CEP126: variants seen among roughly 807,000 people sequenced by gnomAD.
CEP126 encodes centrosomal protein 126.
CEP126 carries 74 observed loss-of-function variants against 107.8 expected under a neutral mutation model. That is an observed-to-expected ratio of 0.69 (90% confidence interval 0.57 to 0.83). The LOEUF is 0.83. Ranked by LOEUF, CEP126 falls within the 40% of genes least tolerant of loss-of-function variation. The pLI, the probability that CEP126 is intolerant of heterozygous loss-of-function variation, is 0.00. For synonymous variants in CEP126, 449 were observed against 446.0 expected (o/e 1.01, Z -0.08); for missense variants, 1,237 against 1,281.9 (o/e 0.96, Z 0.53).
chr11:101,964,904 G>A (rs1435900869), intron 6 of CEP126, among the ~76,000 whole-genome samples: 2 of 152,138 alleles, frequency 1.3e-5, no homozygotes, highest in East Asian at 3.9e-4. Flanking sequence ...GTGAATACAT[G>A]TAGTTATATT....
At chr11:101,946,533 TA>T (rs1175063303) in intron 3 of CEP126, among the ~76,000 whole-genome samples, 1 of 150,750 alleles carries the variant, frequency 6.6e-6, no homozygotes, top group Non-Finnish European at 1.5e-5. Context: ...TAAATAGATA[TA>T]ATCAGTAGGA....
intron 2 of CEP126, among the ~76,000 whole-genome samples, chr11:101,929,436 A>G (rs1337254591): frequency 6.6e-6 from 1 of 152,214 alleles, no homozygotes; most frequent in East Asian, 1.9e-4. Flanking sequence ...GCCAAGGTTC[A>G]TCACTCAGCC....
rs963644423 is a variant in CEP126 at position 101,999,736 on chromosome 11, A to G, written c.*2093A>G. 3 of 152,220 alleles carry G rather than the reference A, an allele frequency of 2.0e-5. No homozygotes were observed. The highest frequency in any genetic ancestry group is 7.2e-5 in the African/African-American group (3 of 41,454). The allele number at this position is 152,220 out of a possible 1,614,324, so 9.4% of individuals were successfully genotyped here. A position where few individuals can be genotyped will look rare whatever the true frequency, so the allele number is the denominator to read the frequency against. On this transcript the variant is annotated 3_prime_UTR_variant, in exon 11 of 11. Transcript: ENST00000263468. ...AAAGTGGAAGAGAATAACACTTTGC[A>G]TGCTATAAACGTGAAAACTAACATT... is the stretch of plus-strand genomic sequence containing the variant.
At chr11:101,969,659 A>G (rs10791547) in intron 6 of CEP126, among the ~76,000 whole-genome samples, 78,788 of 152,078 alleles carry the variant, frequency 0.52, 20,980 homozygotes, top group East Asian at 0.78. Context: ...ATGCAAAGGC[A>G]AAGAACAAAT....
intron 2 of CEP126, among the ~76,000 whole-genome samples, chr11:101,929,178 T>C (rs1335038116): frequency 6.6e-6 from 1 of 152,268 alleles, no homozygotes; most frequent in Non-Finnish European, 1.5e-5. Flanking sequence ...TTTAAAATGT[T>C]TGTCAAATAA....
intron 2 of CEP126, among the ~76,000 whole-genome samples, chr11:101,943,885 C>A (rs1467689256): frequency 6.6e-6 from 1 of 152,036 alleles, no homozygotes. Flanking sequence ...TTATTGAATA[C>A]CTCATAATTT....
At chr11:101,980,871 A>G in intron 7 of CEP126, among the ~76,000 whole-genome samples, 1 of 152,258 alleles carries the variant, frequency 6.6e-6, no homozygotes, top group East Asian at 1.9e-4. Flanking sequence ...AAACAAGACT[A>G]TGAGATCTAC....
chr11:102,000,976 G>A lies in CEP126; in HGVS notation c.*3333G>A, dbSNP rs777420461. The A allele has an allele frequency of 1.4e-4, 22 of 152,128 alleles. No homozygotes were observed. The highest frequency in any genetic ancestry group is 2.8e-4 in the Non-Finnish European group (19 of 68,012). The allele number at this position is 152,128 out of a possible 1,614,324, so 9.4% of individuals were successfully genotyped here. On this transcript the variant is annotated 3_prime_UTR_variant, in exon 11 of 11. Coordinates refer to ENST00000263468, the MANE Select transcript of CEP126 (RefSeq NM_020802.4). ...TAAATATACACACACTTACATGTAT[G>A]TATTTTGATAGATATTACATGGACT...
rs367982987 is a variant in CEP126 at position 101,958,241 on chromosome 11, A to T, written c.580A>T (p.Ile194Phe). Residue 194 changes from isoleucine to phenylalanine, a missense_variant, in exon 5 of 11, where the codon ATC becomes TTC. This residue lies in a region of CEP126 where 1,134 missense variants were observed against 1,150.5 expected (regional missense o/e 0.99). Transcript: ENST00000263468. Reference sequence around the variant, plus strand: ...GCATCAGAAACAACTCTTATCCAAAATCAATTGTGAGAAAGAAATGAATGA... The same window carrying T: ...GCATCAGAAACAACTCTTATCCAAATTCAATTGTGAGAAAGAAATGAATGA... The part of the protein sequence containing the change: ...HKHQKQLLSK[I>F]NCEKEMNENM... 1 of 1,613,914 alleles carries T rather than the reference A, an allele frequency of 6.2e-7. No individual in the cohort carries two copies. The highest frequency in any genetic ancestry group is 1.3e-5 in the African/African-American group (1 of 74,942).
Position 101,997,640 on chromosome 11 carries a change from A to G in CEP126, c.3351A>G (p.Arg1117=), listed in dbSNP as rs1450941270. The change falls in exon 11 of 11, where the codon AGA becomes AGG. Residue 1117 remains arginine, a synonymous_variant. Coordinates refer to ENST00000263468, the MANE Select transcript of CEP126 (RefSeq NM_020802.4). ...EDRTSSCRDK[R] ...GAACCAGCAGCTGCAGAGACAAGAG[A>G]TAATTCCAGCAGAATCCGTCTAAGA... 2 of 1,613,812 alleles carry G rather than the reference A, an allele frequency of 1.2e-6. No individual in the cohort carries two copies. Among genetic ancestry groups the G allele is most frequent in the African/African-American group, 1.3e-5 (1 of 74,926 alleles).
At chr11:101,919,157 G>A (rs901578476) in intron 1 of CEP126, among the ~76,000 whole-genome samples, 2 of 152,160 alleles carry the variant, frequency 1.3e-5, no homozygotes, top group Admixed American at 1.3e-4. Context: ...GAGGTTTAGA[G>A]TAAGAAGAAT....
chr11:101,972,778 G>A (rs1941147994), intron 6 of CEP126, among the ~76,000 whole-genome samples: 2 of 152,118 alleles, frequency 1.3e-5, no homozygotes. Context: ...TCCAGCCTGG[G>A]CGACAGAGTG....
In CEP126 at chr11:101,963,376, C is replaced by T. The variant is rs754289319; in HGVS notation, c.2341C>T (p.Pro781Ser). ...AAACAGAAAAGGCGCTGTCATTCAA[C>T]CACAGTCTGCAAGCAAAGTCAACAT... ...CTNRKGAVIQPQSASKVNIFT... is the reference protein window; with the variant it reads ...CTNRKGAVIQSQSASKVNIFT... Residue 781 changes from proline (P) to serine (S), a missense_variant, in exon 6 of 11, where the codon CCA becomes TCA. By Grantham distance (74) the Pro-to-Ser change is moderately conservative (BLOSUM62 -1). This residue lies in a region of CEP126 where 1,134 missense variants were observed against 1,150.5 expected (regional missense o/e 0.99). Coordinates refer to ENST00000263468, the MANE Select transcript of CEP126 (RefSeq NM_020802.4). 8 of 1,613,986 alleles carry T rather than the reference C, an allele frequency of 5.0e-6. No individual in the cohort carries two copies. The Admixed American group carries it at 1.3e-4, about 27-fold the overall frequency.
intron 4 of CEP126, among the ~76,000 whole-genome samples, chr11:101,957,313 T>G (rs7102793): frequency 0.53 from 80,716 of 152,056 alleles, 22,007 homozygotes; most frequent in East Asian, 0.78. Flanking sequence ...AAATGCTCTT[T>G]GGATTCACAC....
intron 10 of CEP126, among the ~76,000 whole-genome samples, chr11:101,995,284 C>T (rs1941429928): frequency 6.6e-6 from 1 of 152,106 alleles, no homozygotes; most frequent in South Asian, 2.1e-4. Context: ...TGGGATGAGA[C>T]TAGGTAATAC....
intron 2 of CEP126, among the ~76,000 whole-genome samples, chr11:101,938,623 G>C (rs927297589): frequency 9.2e-5 from 14 of 151,860 alleles, no homozygotes; most frequent in African/African-American, 3.4e-4. Flanking sequence ...CAAGGTAGGA[G>C]GATTTCTTGA....
chr11:101,946,404 A>T (rs1250368261), intron 3 of CEP126, among the ~76,000 whole-genome samples: 1 of 152,128 alleles, frequency 6.6e-6, no homozygotes, highest in Non-Finnish European at 1.5e-5. Context: ...GCTACTCAGG[A>T]GGCTGAAGTG....
At chr11:101,934,418 T>C (rs1940546787) in intron 2 of CEP126, among the ~76,000 whole-genome samples, 2 of 151,992 alleles carry the variant, frequency 1.3e-5, no homozygotes, top group South Asian at 4.1e-4. Context: ...GATCTATATC[T>C]CCTATTTTTC....
At chr11:101,992,532 A>G (rs1941397502) in intron 9 of CEP126, among the ~76,000 whole-genome samples, 1 of 152,128 alleles carries the variant, frequency 6.6e-6, no homozygotes, top group Non-Finnish European at 1.5e-5. Flanking sequence ...TCGTTATATA[A>G]TAGTCAAAGT....
Sources: allele counts gnomAD v4.1 joint callset (sites outside exome capture counted in the v4.1 genomes callset), GRCh38; gene constraint gnomAD v4.1.1; regional missense constraint gnomAD v4.1.1; transcripts MANE v1.5; gene names NCBI Gene and HGNC (gene_info 2026-07-23, HGNC 2026-07-21).